ST8SIA6: variants seen among roughly 807,000 people sequenced by gnomAD.
ST8SIA6 encodes the protein alpha-2,8-sialyltransferase 8F.
ST8SIA6 carries 39 observed loss-of-function variants against 33.6 expected under a neutral mutation model. The ratio of observed to expected loss-of-function variants is 1.16; its 90% CI spans 0.90 to 1.52. ST8SIA6 has a LOEUF of 1.52. ST8SIA6 is among the 40% of genes most tolerant of loss of function. The pLI, the probability that ST8SIA6 is intolerant of heterozygous loss-of-function variation, is 0.00. For missense variants in ST8SIA6, 441 were observed against 443.8 expected (o/e 0.99, Z 0.06); for synonymous variants, 172 against 167.2 (o/e 1.03, Z -0.22).
At chr10:17,400,979 G>A (rs1341501302) in intron 2 of ST8SIA6, among the ~76,000 whole-genome samples, 1 of 152,162 alleles carries the variant, frequency 6.6e-6, no homozygotes, top group African/African-American at 2.4e-5. Context: ...AGGAAAAGAG[G>A]CAGTCAAATT....
intron 7 of ST8SIA6, among the ~76,000 whole-genome samples, 172 bp from the exon 8 acceptor site, chr10:17,321,518 C>T (rs1353131849): frequency 1.3e-5 from 2 of 152,232 alleles, no homozygotes; most frequent in African/African-American, 4.8e-5. Flanking sequence ...AGCATAATGT[C>T]AATATCAACA....
chr10:17,421,481 T>C (rs1329296809), intron 2 of ST8SIA6, among the ~76,000 whole-genome samples: 1 of 152,222 alleles, frequency 6.6e-6, no homozygotes, highest in African/African-American at 2.4e-5. Flanking sequence ...AAAAAAATTG[T>C]GTGTATAAAT....
At position 17,315,455 on chromosome 10, in the gene ST8SIA6, A is replaced by T. The variant is rs1319966029; in HGVS notation, c.*5423T>A. 6.6e-6 allele frequency among the ~76,000 whole-genome samples: 1 copy of T among 152,042 alleles called. No individual in the cohort carries two copies. The highest frequency in any genetic ancestry group is 1.5e-5 in the Non-Finnish European group (1 of 67,890). Reference sequence around the variant, plus strand: ...ATGATACCTTTATTTGTAATAGCCAAAACCAGGAGATAGTAAAATGTTCAT... The same window carrying T: ...ATGATACCTTTATTTGTAATAGCCATAACCAGGAGATAGTAAAATGTTCAT... On this transcript the variant is annotated 3_prime_UTR_variant, in exon 8 of 8. Transcript: ENST00000377602.
intron 4 of ST8SIA6, among the ~76,000 whole-genome samples, chr10:17,341,761 T>C (rs780559364): frequency 1.3e-5 from 2 of 150,440 alleles, no homozygotes; most frequent in Non-Finnish European, 3.0e-5. Flanking sequence ...ATTAGCCAGG[T>C]GTGTTGGCAG....
Position 17,321,152 on chromosome 10 carries a change from G to A in ST8SIA6, c.923C>T (p.Ala308Val). 2 of 1,614,086 alleles carry A rather than the reference G, an allele frequency of 1.2e-6. No homozygotes were observed. Among genetic ancestry groups the A allele is most frequent in the Non-Finnish European group, 1.7e-6 (2 of 1,179,990 alleles). Residue 308 changes from alanine to valine, a missense_variant, in exon 8 of 8, where the codon GCC (alanine) becomes GTC (valine). Transcript: ENST00000377602. Reference protein sequence around the residue: ...FFHPKYLKDLALFWRTKGVTA... With the variant: ...FFHPKYLKDLVLFWRTKGVTA... ...CACACCTTTAGTTCTCCAGAAAAGG[G>A]CCAGATCTTTCAGGTACTTGGGATG...
chr10:17,415,803 CTTTTT>C (rs968920842), intron 2 of ST8SIA6, among the ~76,000 whole-genome samples: 3 of 92,230 alleles, frequency 3.3e-5, no homozygotes, highest in Non-Finnish European at 6.1e-5. Context: ...CCTCACTTGT[CTTTTT>C]TTTTTTTTTT....
rs933058862 is a variant in ST8SIA6, at chr10:17,454,112, G to A, written c.101+43C>T. On this transcript the variant is annotated intron_variant, in intron 1 of 7. Transcript: ENST00000377602. The surrounding 1 kb of genome is among the most constrained non-coding windows in gnomAD (Gnocchi z 4.1). ...GCTTGGGGGTCCGGGGGCGCCAGGC[G>A]GGGCGCGCGGCGCGGGGCGCGGCCG... 15 of 259,966 alleles carry A rather than the reference G, an allele frequency of 5.8e-5. No individual in the cohort carries two copies. The highest frequency in any genetic ancestry group is 1.0e-4 in the Non-Finnish European group (14 of 138,858). 16.1% of individuals were successfully genotyped at this position (259,966 alleles called of 1,614,324 possible). A position where few individuals can be genotyped will look rare whatever the true frequency, so the allele number is the denominator to read the frequency against.
At chr10:17,350,506 T>A (rs367551714) in intron 4 of ST8SIA6, among the ~76,000 whole-genome samples, 25 of 152,206 alleles carry the variant, frequency 1.6e-4, no homozygotes, top group South Asian at 1.2e-3. Context: ...CTGGGCCACA[T>A]AGTGAGACCC....
intron 2 of ST8SIA6, among the ~76,000 whole-genome samples, chr10:17,390,962 G>A (rs1028700763): frequency 6.6e-6 from 1 of 151,448 alleles, no homozygotes; most frequent in Admixed American, 6.6e-5. Flanking sequence ...TGGTTCAAGC[G>A]ATTCTCCTGC....
chr10:17,400,731 C>G (rs1851007077), intron 2 of ST8SIA6, among the ~76,000 whole-genome samples: 1 of 152,112 alleles, frequency 6.6e-6, no homozygotes, highest in Non-Finnish European at 1.5e-5. Context: ...ATTCAACAGC[C>G]CTTCATGCTA....
intron 4 of ST8SIA6, among the ~76,000 whole-genome samples, chr10:17,348,317 C>T (rs1242024850): frequency 6.7e-6 from 1 of 149,858 alleles, no homozygotes; most frequent in Non-Finnish European, 1.5e-5. Context: ...AATGCTGAAT[C>T]AGTCTTATGT....
At chr10:17,327,333 T>C (rs1233788298) in intron 5 of ST8SIA6, among the ~76,000 whole-genome samples, 1 of 152,104 alleles carries the variant, frequency 6.6e-6, no homozygotes, top group Non-Finnish European at 1.5e-5. Context: ...ACACCTGTAA[T>C]CCCAGCACTT....
At chr10:17,388,463 G>A (rs1466993160) in intron 3 of ST8SIA6, among the ~76,000 whole-genome samples, 1 of 152,212 alleles carries the variant, frequency 6.6e-6, no homozygotes, top group Non-Finnish European at 1.5e-5. Context: ...ATGGATTAGA[G>A]GCAGCTGTAT....
chr10:17,341,474 G>C (rs1332056428), intron 4 of ST8SIA6, among the ~76,000 whole-genome samples: 2 of 152,136 alleles, frequency 1.3e-5, no homozygotes, highest in Non-Finnish European at 2.9e-5. Context: ...GGACTGATAT[G>C]GACTGAATGC....
chr10:17,346,217 A>C (rs1354579875), intron 4 of ST8SIA6, among the ~76,000 whole-genome samples: 1 of 152,210 alleles, frequency 6.6e-6, no homozygotes, highest in African/African-American at 2.4e-5. Context: ...GTCAATGGTA[A>C]CTTAACTGAC....
At chr10:17,440,167 G>T (rs377442166) in intron 2 of ST8SIA6, among the ~76,000 whole-genome samples, 82 of 151,160 alleles carry the variant, frequency 5.4e-4, no homozygotes, top group African/African-American at 2.0e-3. Context: ...TTTTTAGTCA[G>T]TTTTGTAATA....
chr10:17,343,177 T>C (rs934458548), intron 4 of ST8SIA6, among the ~76,000 whole-genome samples: 4 of 151,950 alleles, frequency 2.6e-5, no homozygotes, highest in African/African-American at 7.3e-5. Flanking sequence ...GACAGCACAA[T>C]GTAGATGAGA....
chr10:17,443,191 A>G lies in ST8SIA6; in HGVS notation c.200+10368T>C, dbSNP rs374508607. Among the ~76,000 whole-genome samples the G allele has an allele frequency of 3.0e-4, 45 of 152,350 alleles. No individual in the cohort carries two copies. The Middle Eastern group carries it at 0.017, about 58-fold the overall frequency. Reference sequence around the variant, plus strand: ...GATATAGGTGTCCTCCTGAAATAGCAAAGTACCAACAATATTATAAAATAC... The same window carrying G: ...GATATAGGTGTCCTCCTGAAATAGCGAAGTACCAACAATATTATAAAATAC... On this transcript the variant is annotated intron_variant, in intron 2 of 7. Transcript: ENST00000377602.
intron 4 of ST8SIA6, among the ~76,000 whole-genome samples, chr10:17,357,062 C>T (rs1476512245): frequency 1.3e-5 from 2 of 152,090 alleles, no homozygotes; most frequent in Admixed American, 6.6e-5. Flanking sequence ...CTGCTCCTAT[C>T]GGGCATCTAA....
Sources: allele counts gnomAD v4.1 joint callset (sites outside exome capture counted in the v4.1 genomes callset), GRCh38; gene constraint gnomAD v4.1.1; non-coding constraint Gnocchi (gnomAD v3.1); transcripts MANE v1.5; gene names NCBI Gene and HGNC (gene_info 2026-07-23, HGNC 2026-07-21).